Variants in ATG16L1 observed in about 807,000 individuals in gnomAD.
ATG16L1 encodes the protein autophagy-related protein 16-1.
Under a neutral mutation model 88.5 loss-of-function variants are expected in ATG16L1, and 37 were observed. The observed-to-expected ratio is 0.42, with a 90% CI of 0.32 to 0.55. The LOEUF (loss-of-function observed/expected upper bound fraction) is 0.55. Among genes scored for constraint, ATG16L1 ranks in the 20% least tolerant of loss-of-function variants. The probability of loss-of-function intolerance (pLI) is 0.13; values close to 1 mark genes in which losing one functional copy is unlikely to be tolerated. For synonymous variants in ATG16L1, 301 were observed against 281.0 expected (o/e 1.07, Z -0.71); for missense variants, 554 against 752.8 (o/e 0.74, Z 3.09).
intron 3 of ATG16L1, 147 bp downstream of exon 3, chr2:233,263,382 G>A: frequency 1.5e-6 from 1 of 679,656 alleles, no homozygotes; most frequent in Admixed American, 2.8e-5. Context: ...ATAAAAGGGT[G>A]AGGAAAACAG....
chr2:233,281,246 A>G, intron 11 of ATG16L1, 71 bp downstream of exon 11: 1 of 1,188,914 alleles, frequency 8.4e-7, no homozygotes, highest in Admixed American at 2.7e-5. Flanking sequence ...TTGAAATTAT[A>G]ACATAACTTA....
Position 233,275,857 on chromosome 2 carries a change from G to C in ATG16L1, c.954+1079G>C, listed in dbSNP as rs532089870. 7.7e-6 allele frequency: 4 copies of C among 519,222 alleles called. No individual in the cohort carries two copies. The Admixed American group carries it at 7.8e-5, about 10-fold the overall frequency. The allele number at this position is 519,222 out of a possible 1,614,324, so 32.2% of individuals were successfully genotyped here. On this transcript the variant is annotated intron_variant, in intron 9 of 17. Coordinates refer to ENST00000392017, the MANE Select transcript of ATG16L1 (RefSeq NM_030803.7). ...ATGTGTATGGGATCATGGAGCAGCT[G>C]ATAATTTGGGATTCTGTCAGTGTGT...
chr2:233,280,652 G>C (rs1698662452), intron 10 of ATG16L1, among the ~76,000 whole-genome samples: 1 of 152,154 alleles, frequency 6.6e-6, no homozygotes. Context: ...CACACCATGG[G>C]TCCAGAAATT....
intron 2 of ATG16L1, among the ~76,000 whole-genome samples, chr2:233,262,546 T>C (rs1231427541): frequency 6.6e-6 from 1 of 152,328 alleles, no homozygotes; most frequent in Non-Finnish European, 1.5e-5. Flanking sequence ...TGTACACCTC[T>C]CCAGGCTCTG....
At chr2:233,285,435 C>G (rs1436320264) in intron 12 of ATG16L1, among the ~76,000 whole-genome samples, 1 of 152,186 alleles carries the variant, frequency 6.6e-6, no homozygotes, top group Non-Finnish European at 1.5e-5. Context: ...AGATGAAGGT[C>G]ATAACATTGA....
At chr2:233,263,655 G>GCT (rs1697367349) in intron 3 of ATG16L1, among the ~76,000 whole-genome samples, 1 of 152,224 alleles carries the variant, frequency 6.6e-6, no homozygotes, top group Non-Finnish European at 1.5e-5. Flanking sequence ...TTACGGCAAA[G>GCT]CTCCAGTTGG....
At chr2:233,264,809 T>C (rs1483772375) in intron 4 of ATG16L1, 83 bp from the exon 5 acceptor site, 3 of 1,548,884 alleles carry the variant, frequency 1.9e-6, no homozygotes, top group African/African-American at 2.7e-5. Context: ...AGACACAAAG[T>C]GTTAAGCACT....
intron 14 of ATG16L1, among the ~76,000 whole-genome samples, chr2:233,290,698 C>G (rs1055329392): frequency 1.3e-5 from 2 of 152,124 alleles, no homozygotes; most frequent in Non-Finnish European, 2.9e-5. Flanking sequence ...TACGTTTGTT[C>G]CAGTGTGTTA....
At chr2:233,291,983 G>A in intron 14 of ATG16L1, 145 bp from the exon 15 acceptor site, 1 of 894,776 alleles carries the variant, frequency 1.1e-6, no homozygotes. Flanking sequence ...AGCAGTCACA[G>A]GTTATTAGAA....
chr2:233,262,122 G>A (rs1478138036), intron 2 of ATG16L1, among the ~76,000 whole-genome samples: 1 of 152,122 alleles, frequency 6.6e-6, no homozygotes. Flanking sequence ...AGTTGCTCAG[G>A]CCAAAAGCCT....
rs954151783 is a variant in ATG16L1 at position 233,282,859 on chromosome 2, C to T, written c.1203+106C>T. ...TAGGGGACTTTGTTTTCCCAAAAATCATGCTTGATTCACCCTGCCCTTCCT... is the reference window on the plus strand; with the variant it reads ...TAGGGGACTTTGTTTTCCCAAAAATTATGCTTGATTCACCCTGCCCTTCCT... On this transcript the variant is annotated intron_variant, in intron 12 of 17. Coordinates refer to ENST00000392017, the MANE Select transcript of ATG16L1 (RefSeq NM_030803.7). 7.3e-6 allele frequency: 7 copies of T among 960,466 alleles called. No homozygotes were observed. In the African/African-American group the frequency reaches 9.7e-5, roughly 13 times the overall value. The allele number at this position is 960,466 out of a possible 1,614,324, so 59.5% of individuals were successfully genotyped here.
intron 9 of ATG16L1, chr2:233,276,142 C>T (rs1037056704): frequency 1.4e-5 from 5 of 361,730 alleles, no homozygotes; most frequent in African/African-American, 1.1e-4. Context: ...ATGCCTGTTG[C>T]CCAGCCTGTT....
intron 13 of ATG16L1, 32 bp downstream of exon 13, chr2:233,290,006 A>G (rs1699356905): frequency 6.2e-7 from 1 of 1,605,344 alleles, no homozygotes. Flanking sequence ...GTCTGTGTAT[A>G]TGCTTAGATG....
chr2:233,265,171 T>G (rs149418082), intron 5 of ATG16L1, 28 bp downstream of exon 5: 2 of 1,612,204 alleles, frequency 1.2e-6, no homozygotes, highest in Non-Finnish European at 1.7e-6. Flanking sequence ...AGTTAGTGGT[T>G]TCCATCCTTA....
chr2:233,267,329 G>GCAGCC (rs1482026446), intron 5 of ATG16L1, among the ~76,000 whole-genome samples: 2 of 152,222 alleles, frequency 1.3e-5, no homozygotes, highest in African/African-American at 2.4e-5. Context: ...AGCCTGGGCA[G>GCAGCC]CAGAGCAAGA....
At chr2:233,275,660 C>T (rs1209843296) in intron 9 of ATG16L1, 10 of 490,404 alleles carry the variant, frequency 2.0e-5, no homozygotes, top group African/African-American at 5.8e-5. Context: ...TGGGATGGGG[C>T]GCATCAACGC....
chr2:233,273,772 C>T lies in ATG16L1; in HGVS notation c.846C>T (p.Ile282=). Residue 282 remains isoleucine (I), a synonymous_variant, in exon 8 of 18, where the codon ATC becomes ATT. Coordinates refer to ENST00000392017, the MANE Select transcript of ATG16L1 (RefSeq NM_030803.7). Reference sequence around the variant, plus strand: ...GCCTTCTGGATTCTATCACTAATATCTTTGGGTAGGTTAGAAGACCTTTCC... The same window carrying T: ...GCCTTCTGGATTCTATCACTAATATTTTTGGGTAGGTTAGAAGACCTTTCC... The part of the protein sequence containing the change: ...AGGLLDSITN[I]FGRRSVSSFP... The T allele has an allele frequency of 6.2e-7, 1 of 1,614,098 alleles. No homozygotes were observed. The highest frequency in any genetic ancestry group is 1.1e-5 in the South Asian group (1 of 91,080).
At chr2:233,292,342 G>A (rs1027505212) in intron 15 of ATG16L1, 45 bp from the exon 16 acceptor site, 8 of 1,614,070 alleles carry the variant, frequency 5.0e-6, no homozygotes, top group East Asian at 2.2e-5. Flanking sequence ...AACGTGCTGC[G>A]TGGCCTGAGC....
At chr2:233,289,578 A>T (rs926286600) in intron 12 of ATG16L1, among the ~76,000 whole-genome samples, 1 of 151,998 alleles carries the variant, frequency 6.6e-6, no homozygotes, top group Admixed American at 6.6e-5. Flanking sequence ...TTTTGTAGAG[A>T]TGGGGGTTTC....
Sources: gnomAD v4.1 joint callset for allele counts (sites outside exome capture counted in the v4.1 genomes callset) on GRCh38, gnomAD v4.1.1 for gene constraint, MANE v1.5 for transcripts, NCBI Gene and HGNC (gene_info 2026-07-23, HGNC 2026-07-21) for gene names.